PLBD1: variants seen among roughly 807,000 people sequenced by gnomAD.
PLBD1 encodes phospholipase B domain containing 1.
In PLBD1, 60 loss-of-function variants were observed where a neutral mutation model predicts 63.0. The observed-to-expected ratio is 0.95, with a 90% CI of 0.77 to 1.18. PLBD1 has a LOEUF of 1.18. Ranked by LOEUF, PLBD1 falls within the 50% of genes most tolerant of loss-of-function variation. PLBD1 has a pLI of 0.00. For missense variants in PLBD1, 598 were observed against 677.9 expected (o/e 0.88, Z 1.31); for synonymous variants, 262 against 248.0 (o/e 1.06, Z -0.53).
At chr12:14,543,643 T>C (rs1945593196) in intron 2 of PLBD1, among the ~76,000 whole-genome samples, 1 of 152,164 alleles carries the variant, frequency 6.6e-6, no homozygotes, top group East Asian at 1.9e-4. Context: ...GAGAATCGCT[T>C]AAACCTGGGA....
At chr12:14,533,871 A>G (rs184370957) in intron 6 of PLBD1, among the ~76,000 whole-genome samples, 1 of 152,352 alleles carries the variant, frequency 6.6e-6, no homozygotes, top group East Asian at 1.9e-4. Flanking sequence ...GGGGCCGGAC[A>G]TGATTGCTCA....
chr12:14,544,298 C>T (rs906426670), intron 2 of PLBD1, among the ~76,000 whole-genome samples: 1 of 152,166 alleles, frequency 6.6e-6, no homozygotes, highest in Admixed American at 6.5e-5. Context: ...CTCAGCCTCC[C>T]GAGTAGCTGG....
chr12:14,546,231 T>C (rs12815330), intron 2 of PLBD1, among the ~76,000 whole-genome samples: 17,510 of 151,612 alleles, frequency 0.12, 1,539 homozygotes, highest in South Asian at 0.36. Flanking sequence ...GGCACAAGAA[T>C]TGCTTGAACC....
intron 6 of PLBD1, among the ~76,000 whole-genome samples, chr12:14,514,017 G>C (rs1222783150): frequency 6.6e-6 from 1 of 152,106 alleles, no homozygotes; most frequent in East Asian, 1.9e-4. Flanking sequence ...CTGACCTCAT[G>C]ATCTGCCCGC....
In PLBD1 at chr12:14,538,543, T is replaced by G. The variant is rs552042351; in HGVS notation, c.559-1833A>C. On this transcript the variant is annotated intron_variant, in intron 4 of 10. Coordinates refer to ENST00000240617, the MANE Select transcript of PLBD1 (RefSeq NM_024829.6). Reference sequence around the variant, plus strand: ...TCCAACGTACGGATGTATTATAATATTTTTAACTACTCTTTTTTGATGAAT... The same window carrying G: ...TCCAACGTACGGATGTATTATAATAGTTTTAACTACTCTTTTTTGATGAAT... Among the ~76,000 whole-genome samples, 14 of 152,280 alleles carry G rather than the reference T, an allele frequency of 9.2e-5. No homozygotes were observed. The East Asian group carries it at 2.7e-3, about 29-fold the overall frequency.
intron 6 of PLBD1, among the ~76,000 whole-genome samples, chr12:14,528,747 T>C (rs1945436800): frequency 6.6e-6 from 1 of 151,996 alleles, no homozygotes; most frequent in South Asian, 2.1e-4. Flanking sequence ...TTTATCTTAA[T>C]AAAGAAGAAA....
chr12:14,506,857 A>G (rs1945259919), intron 9 of PLBD1, 76 bp downstream of exon 9: 1 of 1,346,642 alleles, frequency 7.4e-7, no homozygotes, highest in Non-Finnish European at 1.0e-6. Flanking sequence ...CAGAGATGAT[A>G]AACTTACATG....
intron 4 of PLBD1, among the ~76,000 whole-genome samples, chr12:14,540,110 T>TTATATATA (rs71038605): frequency 1.1e-5 from 1 of 91,778 alleles, no homozygotes; most frequent in Non-Finnish European, 2.0e-5. Flanking sequence ...TAAATATTAT[T>TTATATATA]TATATATATA....
intron 4 of PLBD1, among the ~76,000 whole-genome samples, chr12:14,538,018 G>A (rs1451468378): frequency 1.3e-5 from 2 of 151,810 alleles, no homozygotes; most frequent in Non-Finnish European, 2.9e-5. Flanking sequence ...CTTGGATCCA[G>A]AGTTTTAAAA....
chr12:14,567,786 C>T lies in PLBD1; in HGVS notation c.-90G>A. ...TTGCAAGAGAGGCTCCTGGCCTACT[C>T]AGGGGCGCCGCCTCTCCGAGGTGGG... On this transcript the variant is annotated 5_prime_UTR_variant, in exon 1 of 11. Coordinates refer to ENST00000240617, the MANE Select transcript of PLBD1 (RefSeq NM_024829.6). The T allele has an allele frequency of 1.5e-6, 2 of 1,349,088 alleles. No individual in the cohort carries two copies. Among genetic ancestry groups the T allele is most frequent in the Non-Finnish European group, 1.9e-6 (2 of 1,056,402 alleles). 83.6% of individuals were successfully genotyped at this position (1,349,088 alleles called of 1,614,324 possible).
At position 14,517,335 on chromosome 12, in the gene PLBD1, C is replaced by A. The variant is rs550401539; in HGVS notation, c.845-5624G>T. ...TAAATTTTTTAATTTTTTGTAGAGA[C>A]GGGGGTCTTGCTATGTTGCACAGCC... On this transcript the variant is annotated intron_variant, in intron 6 of 10. Coordinates refer to ENST00000240617, the MANE Select transcript of PLBD1 (RefSeq NM_024829.6). 2.6e-5 allele frequency among the ~76,000 whole-genome samples: 4 copies of A among 151,952 alleles called. No individual in the cohort carries two copies. The South Asian group carries it at 8.3e-4, about 32-fold the overall frequency.
chr12:14,521,441 C>T (rs1945375458), intron 6 of PLBD1, among the ~76,000 whole-genome samples: 1 of 151,968 alleles, frequency 6.6e-6, no homozygotes, highest in Non-Finnish European at 1.5e-5. Context: ...AAACTGGCAC[C>T]CTTGCCACAA....
intron 9 of PLBD1, 42 bp downstream of exon 9, chr12:14,506,891 A>T (rs771317551): frequency 6.4e-7 from 1 of 1,566,428 alleles, no homozygotes; most frequent in South Asian, 1.1e-5. Flanking sequence ...TAGGGAAGAA[A>T]AGGAGTTTTG....
chr12:14,506,801 A>G (rs1036562231), intron 9 of PLBD1, 132 bp downstream of exon 9: 7 of 708,318 alleles, frequency 9.9e-6, no homozygotes, highest in African/African-American at 5.4e-5. Flanking sequence ...TAAAATGTAC[A>G]ATATTAGTTA....
At chr12:14,513,810 C>T (rs1333451774) in intron 6 of PLBD1, among the ~76,000 whole-genome samples, 2 of 148,296 alleles carry the variant, frequency 1.3e-5, no homozygotes, top group African/African-American at 2.5e-5. Context: ...GACGGAGTCT[C>T]GCTCTGTCGC....
intron 1 of PLBD1, among the ~76,000 whole-genome samples, chr12:14,560,372 G>C (rs1043206976): frequency 6.6e-6 from 1 of 152,068 alleles, no homozygotes; most frequent in African/African-American, 2.4e-5. Context: ...TCAGAAGTCA[G>C]AGGGGAAAAA....
intron 6 of PLBD1, among the ~76,000 whole-genome samples, chr12:14,535,293 AC>A (rs1048662870): frequency 6.6e-6 from 1 of 152,176 alleles, no homozygotes; most frequent in Non-Finnish European, 1.5e-5. Context: ...GAAACACTAC[AC>A]GCCCTCAAGG....
At position 14,536,825 on chromosome 12, in the gene PLBD1, A is replaced by C. The variant is rs1417361225; in HGVS notation, c.559-115T>G. ...CCTTGCAGGCTGTGCATGGTGGCTC[A>C]CGCCTGTAATCCCAGCACTTTGGGA... On this transcript the variant is annotated intron_variant, in intron 4 of 10. Coordinates refer to ENST00000240617, the MANE Select transcript of PLBD1 (RefSeq NM_024829.6). 23 of 1,368,110 alleles carry C rather than the reference A, an allele frequency of 1.7e-5. No homozygotes were observed. The East Asian group carries it at 2.3e-4, about 14-fold the overall frequency. The allele number at this position is 1,368,110 out of a possible 1,614,324, so 84.7% of individuals were successfully genotyped here.
intron 2 of PLBD1, 46 bp downstream of exon 2, chr12:14,553,147 G>A (rs900398361): frequency 1.3e-6 from 2 of 1,500,590 alleles, no homozygotes; most frequent in South Asian, 2.4e-5. Flanking sequence ...ACATGGGAAG[G>A]ACAGGGGTTG....
Sources: gnomAD v4.1 joint callset for allele counts (sites outside exome capture counted in the v4.1 genomes callset) on GRCh38, gnomAD v4.1.1 for gene constraint, MANE v1.5 for transcripts, NCBI Gene and HGNC (gene_info 2026-07-23, HGNC 2026-07-21) for gene names.